The following RNF38 variants were observed in gnomAD, a reference collection of about 807,000 sequenced individuals.
RNF38 encodes the protein E3 ubiquitin-protein ligase RNF38.
In RNF38, 15 loss-of-function variants were observed where a neutral mutation model predicts 67.2. The observed-to-expected ratio is 0.22, with a 90% CI of 0.15 to 0.34. The LOEUF (loss-of-function observed/expected upper bound fraction) is 0.34. Among genes scored for constraint, RNF38 ranks in the 10% least tolerant of loss-of-function variants. The pLI, the probability that RNF38 is intolerant of heterozygous loss-of-function variation, is 1.00. For synonymous variants in RNF38, 220 were observed against 218.8 expected (o/e 1.01, Z -0.05); for missense variants, 524 against 639.9 (o/e 0.82, Z 1.95).
At chr9:36,477,737 GCGTGAA>G (rs1473919979) in intron 1 of RNF38, among the ~76,000 whole-genome samples, 2 of 150,528 alleles carry the variant, frequency 1.3e-5, no homozygotes, top group Non-Finnish European at 3.0e-5. Flanking sequence ...CAGGAGAATG[GCGTGAA>G]CCTGGGAGGT....
At chr9:36,402,424 T>A (rs1300146659), upstream of RNF38, among the ~76,000 whole-genome samples, 2 of 151,804 alleles carry the variant, frequency 1.3e-5, no homozygotes, top group Non-Finnish European at 2.9e-5. Context: ...CTATCCTCTG[T>A]ATCCCTCACA....
At chr9:36,415,172 A>C (rs780375798) in intron 2 of RNF38, among the ~76,000 whole-genome samples, 39 of 152,250 alleles carry the variant, frequency 2.6e-4, no homozygotes, top group Non-Finnish European at 4.9e-4. Flanking sequence ...TTCCTCAACA[A>C]CACCAATTAT....
At chr9:36,371,936 T>C (rs1835409877) in intron 3 of RNF38, among the ~76,000 whole-genome samples, 1 of 146,058 alleles carries the variant, frequency 6.8e-6, no homozygotes, top group South Asian at 2.1e-4. Context: ...TTTCTTTTCT[T>C]TTTTTTTTTT....
At chr9:36,485,010 C>CA (rs998285873) in intron 1 of RNF38, among the ~76,000 whole-genome samples, 191 of 150,994 alleles carry the variant, frequency 1.3e-3, no homozygotes, top group African/African-American at 4.3e-3. Context: ...ACTAAAAATA[C>CA]AAAAAAAAAT....
At chr9:36,432,003 T>C (rs962068668) in intron 1 of RNF38, among the ~76,000 whole-genome samples, 1 of 152,228 alleles carries the variant, frequency 6.6e-6, no homozygotes, top group African/African-American at 2.4e-5. Context: ...TGCCAGGAAT[T>C]AGGGATGAAG....
At chr9:36,476,331 T>C (rs1840120127) in intron 1 of RNF38, among the ~76,000 whole-genome samples, 1 of 151,878 alleles carries the variant, frequency 6.6e-6, no homozygotes, top group South Asian at 2.1e-4. Flanking sequence ...GCCAAGCTGG[T>C]CTTGAACTGA....
At chr9:36,429,543 G>A (rs867320856) in intron 1 of RNF38, among the ~76,000 whole-genome samples, 3 of 152,204 alleles carry the variant, frequency 2.0e-5, no homozygotes, top group Non-Finnish European at 4.4e-5. Context: ...CACTTTGGGA[G>A]GCTGAGGTGG....
intron 3 of RNF38, chr9:36,372,515 C>T: frequency 1.4e-6 from 1 of 713,840 alleles, no homozygotes; most frequent in Non-Finnish European, 2.6e-6. Flanking sequence ...TGAAATCCTG[C>T]TAGATTATTG....
Position 36,338,904 on chromosome 9 carries a change from G to A in RNF38, c.*848C>T, listed in dbSNP as rs1832645570. On this transcript the variant is annotated 3_prime_UTR_variant, in exon 12 of 12. Coordinates refer to ENST00000259605, the MANE Select transcript of RNF38 (RefSeq NM_022781.5). Reference sequence around the variant, plus strand: ...TGCACCTTCTTTTTGGAAACAGCAAGTTGGAGATTTAAAAATTTCCACAAC... The same window carrying A: ...TGCACCTTCTTTTTGGAAACAGCAAATTGGAGATTTAAAAATTTCCACAAC... 6.6e-6 allele frequency: 1 copy of A among 152,546 alleles called. No individual in the cohort carries two copies. The highest frequency in any genetic ancestry group is 2.1e-4 in the South Asian group (1 of 4,828). The allele number at this position is 152,546 out of a possible 1,614,324, so 9.4% of individuals were successfully genotyped here.
intron 1 of RNF38, among the ~76,000 whole-genome samples, chr9:36,439,123 G>C (rs1018567499): frequency 6.6e-6 from 1 of 152,126 alleles, no homozygotes; most frequent in African/African-American, 2.4e-5. Flanking sequence ...AACAAGAAGT[G>C]ATTTATTGAA....
intron 7 of RNF38, 125 bp downstream of exon 7, chr9:36,353,045 A>G: frequency 1.1e-6 from 1 of 909,954 alleles, no homozygotes. Flanking sequence ...TCTAAATATA[A>G]CTTTCCAACT....
intron 8 of RNF38, 35 bp downstream of exon 8, chr9:36,352,707 A>C (rs751151799): frequency 1.4e-6 from 2 of 1,439,632 alleles, no homozygotes; most frequent in Non-Finnish European, 2.0e-6. Flanking sequence ...AAGAGTTTCA[A>C]AATTCAGAAA....
intron 2 of RNF38, among the ~76,000 whole-genome samples, chr9:36,415,923 C>G (rs1405539924): frequency 1.3e-5 from 2 of 151,836 alleles, no homozygotes; most frequent in Admixed American, 6.6e-5. Flanking sequence ...GCTGTAATGG[C>G]TTCAGTTGGT....
chr9:36,432,653 C>A (rs1305509996), intron 1 of RNF38, among the ~76,000 whole-genome samples: 1 of 151,838 alleles, frequency 6.6e-6, no homozygotes, highest in Non-Finnish European at 1.5e-5. Context: ...ATTAGCTGGG[C>A]GTGGTGGTGG....
intron 9 of RNF38, among the ~76,000 whole-genome samples, chr9:36,350,886 A>G (rs1227153149): frequency 2.0e-5 from 3 of 152,216 alleles, no homozygotes; most frequent in African/African-American, 7.2e-5. Flanking sequence ...GTGGCCCAAC[A>G]CAAATTCATA....
At chr9:36,409,206 AAGGGAGGG>A (rs1384588301) in intron 2 of RNF38, among the ~76,000 whole-genome samples, 2 of 149,606 alleles carry the variant, frequency 1.3e-5, no homozygotes, top group Admixed American at 6.7e-5. Context: ...GAGAGAGAGA[AAGGGAGGG>A]AGGGAAGGAG....
At chr9:36,346,046 C>T (rs1489865027) in intron 9 of RNF38, among the ~76,000 whole-genome samples, 1 of 152,172 alleles carries the variant, frequency 6.6e-6, no homozygotes, top group Non-Finnish European at 1.5e-5. Flanking sequence ...CAGTAATATT[C>T]TTATTTTATC....
chr9:36,448,508 C>T (rs1331691151), intron 1 of RNF38, among the ~76,000 whole-genome samples: 1 of 152,150 alleles, frequency 6.6e-6, no homozygotes, highest in African/African-American at 2.4e-5. Flanking sequence ...TGGTATAGTA[C>T]AAATAGTCCA....
chr9:36,486,607 G>GC (rs1840417467), intron 1 of RNF38, among the ~76,000 whole-genome samples: 1 of 152,144 alleles, frequency 6.6e-6, no homozygotes, highest in Admixed American at 6.5e-5. Context: ...GGTTTAGTCA[G>GC]TGCAGTGGTG....
Sources: allele counts gnomAD v4.1 joint callset (sites outside exome capture counted in the v4.1 genomes callset), GRCh38; gene constraint gnomAD v4.1.1; transcripts MANE v1.5; gene names NCBI Gene and HGNC (gene_info 2026-07-23, HGNC 2026-07-21).